The following ARHGAP31 variants were observed in gnomAD, a reference collection of about 807,000 sequenced individuals.
The protein encoded by ARHGAP31 is Rho GTPase activating protein 31, also known as rho GTPase-activating protein 31.
ARHGAP31 carries 34 observed loss-of-function variants against 113.9 expected under a neutral mutation model. That is an observed-to-expected ratio of 0.30 (90% CI 0.23 to 0.40). ARHGAP31 has a LOEUF of 0.40. ARHGAP31 is among the 10% of genes least tolerant of loss of function. ARHGAP31 has a pLI of 1.00. For missense variants in ARHGAP31, 1,548 were observed against 1,767.1 expected, an observed-to-expected ratio of 0.88 and a Z score of 2.22; for synonymous variants, 650 against 684.8, an observed-to-expected ratio of 0.95 and a Z score of 0.79.
At chr3:119,304,498 G>T (rs540712878) in intron 1 of ARHGAP31, among the ~76,000 whole-genome samples, 3 of 152,230 alleles carry the variant, frequency 2.0e-5, no homozygotes, top group African/African-American at 7.2e-5. Flanking sequence ...ACTTGGAATT[G>T]GTCACACCCT....
chr3:119,363,955 C>G (rs1024341605), intron 1 of ARHGAP31, among the ~76,000 whole-genome samples: 1 of 152,118 alleles, frequency 6.6e-6, no homozygotes, highest in Admixed American at 6.5e-5. Flanking sequence ...ATTCACAACC[C>G]TCTCACAGAG....
At chr3:119,296,694 AG>A (rs1204274308) in intron 1 of ARHGAP31, among the ~76,000 whole-genome samples, 1 of 152,202 alleles carries the variant, frequency 6.6e-6, no homozygotes, top group African/African-American at 2.4e-5. Flanking sequence ...AGGCAGCTTT[AG>A]GCAGCTGTTC....
At chr3:119,355,833 G>A (rs2107618577) in intron 1 of ARHGAP31, among the ~76,000 whole-genome samples, 1 of 152,270 alleles carries the variant, frequency 6.6e-6, no homozygotes, top group East Asian at 1.9e-4. Flanking sequence ...TTTTATGGCT[G>A]CATAGTATTC....
chr3:119,313,722 A>G (rs1479453466), intron 1 of ARHGAP31, among the ~76,000 whole-genome samples: 1 of 152,266 alleles, frequency 6.6e-6, no homozygotes, highest in Admixed American at 6.5e-5. Flanking sequence ...TCTTGGTCAC[A>G]GTGGTTATCC....
At chr3:119,397,868 A>G (rs978829808) in intron 8 of ARHGAP31, among the ~76,000 whole-genome samples, 1 of 152,268 alleles carries the variant, frequency 6.6e-6, no homozygotes, top group Non-Finnish European at 1.5e-5. Context: ...AGCAGCAACA[A>G]CAATCAATAA....
intron 10 of ARHGAP31, among the ~76,000 whole-genome samples, chr3:119,405,270 T>C (rs1209409356): frequency 7.2e-5 from 11 of 152,184 alleles, no homozygotes; most frequent in Admixed American, 5.2e-4. Context: ...GCTGCTATAA[T>C]ATAGAAAATA....
chr3:119,404,991 G>A (rs1271094383), intron 10 of ARHGAP31, among the ~76,000 whole-genome samples: 1 of 152,176 alleles, frequency 6.6e-6, no homozygotes, highest in Non-Finnish European at 1.5e-5. Flanking sequence ...TCCCCTTCTA[G>A]AAACGCTTGT....
intron 1 of ARHGAP31, among the ~76,000 whole-genome samples, chr3:119,296,183 G>A (rs565532444): frequency 6.6e-6 from 1 of 152,328 alleles, no homozygotes; most frequent in East Asian, 1.9e-4. Context: ...GGGAGACTCA[G>A]CACCACCTAG....
intron 1 of ARHGAP31, among the ~76,000 whole-genome samples, chr3:119,324,644 AAAC>A (rs1255128965): frequency 6.6e-6 from 1 of 152,218 alleles, no homozygotes; most frequent in African/African-American, 2.4e-5. Flanking sequence ...AAACAAACAT[AAAC>A]AACAAAAACC....
chr3:119,297,753 T>C (rs1181622035), intron 1 of ARHGAP31, among the ~76,000 whole-genome samples: 2 of 152,178 alleles, frequency 1.3e-5, no homozygotes, highest in African/African-American at 4.8e-5. Context: ...TGTAATTTGC[T>C]GAGGCTCAGC....
rs367825222 is a variant in ARHGAP31, at chr3:119,373,361, T to C, written c.348+4845T>C. Among the ~76,000 whole-genome samples, 12 of 152,028 alleles carry C rather than the reference T, an allele frequency of 7.9e-5. No homozygotes were observed. The South Asian group carries it at 2.5e-3, about 32-fold the overall frequency. ...TTTAAAAAGTATCAATATATTAGAA[T>C]AATATAGTTGCACATTAAATAAATA... On this transcript the variant is annotated intron_variant, in intron 3 of 11. Transcript: ENST00000264245.
rs375169225 is a variant in ARHGAP31 at position 119,397,671 on chromosome 3, G to A, written c.1007-1528G>A. Among the ~76,000 whole-genome samples the A allele has an allele frequency of 3.3e-5, 5 of 152,342 alleles. No individual in the cohort carries two copies. The South Asian group carries it at 6.2e-4, about 19-fold the overall frequency. ...GAGAAGCCTCAAGCTGGGAGACCAAGGGGCTAATTCAGAACCTCCCAGAAG... is the reference window on the plus strand; with the variant it reads ...GAGAAGCCTCAAGCTGGGAGACCAAAGGGCTAATTCAGAACCTCCCAGAAG... On this transcript the variant is annotated intron_variant, in intron 8 of 11. Transcript: ENST00000264245.
intron 1 of ARHGAP31, among the ~76,000 whole-genome samples, chr3:119,300,895 A>G (rs531256715): frequency 6.6e-6 from 1 of 151,942 alleles, no homozygotes; most frequent in Admixed American, 6.5e-5. Context: ...AGCTGAGTCC[A>G]GCAGAGCTGA....
At chr3:119,371,542 A>G (rs2080296832) in intron 3 of ARHGAP31, among the ~76,000 whole-genome samples, 2 of 152,238 alleles carry the variant, frequency 1.3e-5, no homozygotes, top group South Asian at 2.1e-4. Context: ...TTGATCACAG[A>G]TAATATAAGT....
At chr3:119,322,443 C>A (rs2079797036) in intron 1 of ARHGAP31, among the ~76,000 whole-genome samples, 1 of 152,202 alleles carries the variant, frequency 6.6e-6, no homozygotes, top group Admixed American at 6.5e-5. Context: ...TTGAACTTTG[C>A]AGCCCCTTCC....
At chr3:119,390,704 G>T in intron 6 of ARHGAP31, 81 bp from the exon 7 acceptor site, 1 of 1,450,948 alleles carries the variant, frequency 6.9e-7, no homozygotes, top group South Asian at 1.2e-5. Context: ...GATCAAGAAT[G>T]GAGGGACTGT....
chr3:119,295,129 C>A (rs1174820109), intron 1 of ARHGAP31, 125 bp downstream of exon 1: 2 of 838,310 alleles, frequency 2.4e-6, no homozygotes, highest in Non-Finnish European at 1.9e-6. Flanking sequence ...GCGCTCATTG[C>A]ACTTTTTTTT....
At position 119,414,391 on chromosome 3, in the gene ARHGAP31, A is replaced by G; in HGVS notation, c.2462A>G (p.Gln821Arg). 1 of 1,614,234 alleles carries G rather than the reference A, an allele frequency of 6.2e-7. No homozygotes were observed. Among genetic ancestry groups the G allele is most frequent in the East Asian group, 2.2e-5 (1 of 44,882 alleles). ...RKLRTDLYID[Q>R]LKSQDSPEIS... ...TTGAGGACAGATCTCTACATAGACCAGCTGAAGTCCCAAGACAGCCCTGAG... is the reference window on the plus strand; with the variant it reads ...TTGAGGACAGATCTCTACATAGACCGGCTGAAGTCCCAAGACAGCCCTGAG... The change falls in exon 12 of 12, where the codon CAG becomes CGG. Residue 821 changes from glutamine to arginine, a missense_variant. Gln to Arg is a conservative substitution (Grantham distance 43, BLOSUM62 1). Coordinates refer to ENST00000264245, the MANE Select transcript of ARHGAP31 (RefSeq NM_020754.4).
At chr3:119,384,854 T>C (rs1212463848) in intron 6 of ARHGAP31, among the ~76,000 whole-genome samples, 1 of 152,014 alleles carries the variant, frequency 6.6e-6, no homozygotes, top group Non-Finnish European at 1.5e-5. Flanking sequence ...ACTAATCTAC[T>C]TTCTAGTTGT....
Sources: gnomAD v4.1 joint callset for allele counts (sites outside exome capture counted in the v4.1 genomes callset) on GRCh38, gnomAD v4.1.1 for gene constraint, MANE v1.5 for transcripts, NCBI Gene and HGNC (gene_info 2026-07-23, HGNC 2026-07-21) for gene names.